The following SYN1 variants were observed in gnomAD, a reference collection of about 807,000 sequenced individuals.
SYN1 encodes synapsin-1.
Under a neutral mutation model 44.6 loss-of-function variants are expected in SYN1, and 8 were observed. That is an observed-to-expected ratio of 0.18 (90% confidence interval 0.11 to 0.32). SYN1 has a LOEUF of 0.32. Ranked by LOEUF, SYN1 falls within the 10% of genes least tolerant of loss-of-function variation. SYN1 has a pLI of 1.00. For missense variants in SYN1, 451 were observed against 639.4 expected, an observed-to-expected ratio of 0.71 and a Z score of 3.18; for synonymous variants, 275 against 280.1, an observed-to-expected ratio of 0.98 and a Z score of 0.18.
intron 5 of SYN1, among the ~76,000 whole-genome samples, chrX:47,600,828 G>C (rs1239651592): frequency 8.9e-6 from 1 of 111,960 alleles, no homozygotes; most frequent in Admixed American, 9.5e-5. Context: ...AAGATACTTT[G>C]AGATGAATGA....
At chrX:47,585,341 C>T (rs1294615198) in intron 5 of SYN1, 9 of 1,209,627 alleles carry the variant, frequency 7.4e-6, no homozygotes, top group South Asian at 1.8e-5. Flanking sequence ...GGTGAGGCAC[C>T]GTCCCCGCGC....
In SYN1 at chrX:47,576,149, T is replaced by G; in HGVS notation, c.1140A>C (p.Gly380=). The G allele has an allele frequency of 8.3e-7, 1 of 1,202,125 alleles. No homozygotes were observed. The highest frequency in any genetic ancestry group is 1.1e-6 in the Non-Finnish European group (1 of 890,544). Residue 380 remains glycine (G), a synonymous_variant, in exon 9 of 13, where the codon GGA becomes GGC. Coordinates refer to ENST00000295987, the MANE Select transcript of SYN1 (RefSeq NM_006950.3). ...CTCATACCTCAATGATGTGATCCCT[T>G]CCGTCCTTGCCATGTAGCGCTTCCA... ...CAVEALHGKD[G]RDHIIEVVGS...
chrX:47,610,605 G>A (rs989675668), intron 1 of SYN1, among the ~76,000 whole-genome samples: 6 of 110,204 alleles, frequency 5.4e-5, no homozygotes, highest in Non-Finnish European at 9.5e-5. Flanking sequence ...GTATTGGCAG[G>A]AGCTGGGAAG....
At chrX:47,579,596 A>C (rs2057789253) in intron 5 of SYN1, among the ~76,000 whole-genome samples, 1 of 106,895 alleles carries the variant, frequency 9.4e-6, no homozygotes, top group Non-Finnish European at 2.0e-5. Flanking sequence ...CTCCATTTCA[A>C]AACTGCACAA....
Position 47,604,939 on chromosome X carries a change from ACT to A in SYN1, c.774+37_774+38del, listed in dbSNP as rs766171081. 8 of 1,109,297 alleles carry A rather than the reference ACT, an allele frequency of 7.2e-6. No homozygotes were observed. In the South Asian group the frequency reaches 1.1e-4, roughly 15 times the overall value. 91.4% of individuals were successfully genotyped at this position (1,109,297 alleles called of 1,213,427 possible). On this transcript the variant is annotated intron_variant, in intron 5 of 12. Transcript: ENST00000295987. ...ATTTAATATTATTGCAGTAGTTATG[ACT>A]CTTCCCTCCTGCCCACTCTATTTTC...
At chrX:47,574,999 C>G (rs2057773008) in intron 10 of SYN1, 129 bp downstream of exon 10, 1 of 959,761 alleles carries the variant, frequency 1.0e-6, no homozygotes, top group East Asian at 3.4e-5. Flanking sequence ...AAACAATTGG[C>G]AATCGCAGCC....
Position 47,574,786 on chromosome X carries a change from G to A in SYN1, c.1306-11C>T. On this transcript the variant is annotated splice_polypyrimidine_tract_variant and intron_variant, in intron 10 of 12. Coordinates refer to ENST00000295987, the MANE Select transcript of SYN1 (RefSeq NM_006950.3). ...CCCTGGGGACGGAGTCTGCGGCAGAGGAATGGAGCAGGAGAGGTTAAAAAT... is the reference window on the plus strand; with the variant it reads ...CCCTGGGGACGGAGTCTGCGGCAGAAGAATGGAGCAGGAGAGGTTAAAAAT... 1 of 1,172,534 alleles carries A rather than the reference G, an allele frequency of 8.5e-7. No homozygotes were observed. Among genetic ancestry groups the A allele is most frequent in the Non-Finnish European group, 1.1e-6 (1 of 871,497 alleles).
chrX:47,584,105 C>T (rs868839648), intron 5 of SYN1, among the ~76,000 whole-genome samples: 16 of 111,282 alleles, frequency 1.4e-4, no homozygotes, highest in Middle Eastern at 9.2e-3. Context: ...CTGGCTAAAC[C>T]GACGTAACAG....
rs1447095144 is a variant in SYN1 at position 47,619,429 on chromosome X, G to A, written c.300C>T (p.Gly100=). The A allele has an allele frequency of 8.4e-7, 1 of 1,192,185 alleles. No individual in the cohort carries two copies. The highest frequency in any genetic ancestry group is 3.0e-5 in the East Asian group (1 of 33,465). ...CGCGGCCTGCGCCCCCAGAGCCGCC[G>A]CCCACCTGCTCGCTGAAGGTGGCAG... The part of the protein sequence containing the change: ...AAAATFSEQV[G]GGSGGAGRGG... Residue 100 remains glycine (G), a synonymous_variant, in exon 1 of 13, where the codon GGC becomes GGT. Transcript: ENST00000295987.
chrX:47,574,718 G>T lies in SYN1; in HGVS notation c.1363C>A (p.Pro455Thr), dbSNP rs1371497364. 8.4e-7 allele frequency: 1 copy of T among 1,187,205 alleles called. No individual in the cohort carries two copies. Among genetic ancestry groups the T allele is most frequent in the Admixed American group, 2.4e-5 (1 of 41,025 alleles). The change falls in exon 11 of 13, where the codon CCC becomes ACC. Residue 455 changes from proline to threonine, a missense_variant. Coordinates refer to ENST00000295987, the MANE Select transcript of SYN1 (RefSeq NM_006950.3). Reference sequence around the variant, plus strand: ...GGTGGGGGTCGCTGCTGAGCCGGGGGCCCTGCGGGCTGCTGGGAGGTCTGG... The same window carrying T: ...GGTGGGGGTCGCTGCTGAGCCGGGGTCCCTGCGGGCTGCTGGGAGGTCTGG... ...GRQTSQQPAG[P>T]PAQQRPPPQG...
intron 5 of SYN1, among the ~76,000 whole-genome samples, chrX:47,596,655 C>T (rs776243943): frequency 8.9e-6 from 1 of 112,588 alleles, no homozygotes; most frequent in East Asian, 2.8e-4. Context: ...TGGGTAGCCA[C>T]ATATGACAAA....
chrX:47,572,721 C>T lies in SYN1; in HGVS notation c.*143G>A, dbSNP rs113373259. 1.4e-3 allele frequency: 1,260 copies of T among 915,107 alleles called. 9 individuals are homozygous for T. The African/African-American group carries it at 0.02, about 15-fold the overall frequency. The allele number at this position is 915,107 out of a possible 1,213,427, so 75.4% of individuals were successfully genotyped here. A position where few individuals can be genotyped will look rare whatever the true frequency, so the allele number is the denominator to read the frequency against. ...GAGGAGTCAGGTTTCTCAAGGTACTCGGGGATCTTGAGGAATGAGAGGTGG... is the reference window on the plus strand; with the variant it reads ...GAGGAGTCAGGTTTCTCAAGGTACTTGGGGATCTTGAGGAATGAGAGGTGG... On this transcript the variant is annotated 3_prime_UTR_variant, in exon 13 of 13. Transcript: ENST00000295987.
intron 5 of SYN1, among the ~76,000 whole-genome samples, chrX:47,580,185 CTT>C (rs749909509): frequency 1.6e-4 from 14 of 88,842 alleles, no homozygotes; most frequent in Admixed American, 2.4e-4. Context: ...TAGAACAGTG[CTT>C]TTTTTTTTTT....
chrX:47,609,694 A>G (rs1165968923), intron 1 of SYN1, among the ~76,000 whole-genome samples: 3 of 112,167 alleles, frequency 2.7e-5, no homozygotes, highest in Admixed American at 1.9e-4. Flanking sequence ...GAGGTGGGGC[A>G]TAGATAGCCT....
rs1282764614 is a variant in SYN1, at chrX:47,619,850, C to T, written c.-122G>A. 3.8e-6 allele frequency: 3 copies of T among 781,383 alleles called. No individual in the cohort carries two copies. In the Admixed American group the frequency reaches 9.6e-5, roughly 25 times the overall value. The allele number at this position is 781,383 out of a possible 1,213,427, so 64.4% of individuals were successfully genotyped here. A position where few individuals can be genotyped will look rare whatever the true frequency, so the allele number is the denominator to read the frequency against. On this transcript the variant is annotated 5_prime_UTR_variant, in exon 1 of 13. Transcript: ENST00000295987. The stretch of plus-strand genomic sequence containing the variant: ...ACGACACGACTCCTCCGCTGCCCAC[C>T]GCAGACTGAGGCAGCGCTGAGTCGC...
At chrX:47,604,826 C>T (rs1371510712) in intron 5 of SYN1, 152 bp downstream of exon 5, 22 of 527,627 alleles carry the variant, frequency 4.2e-5, no homozygotes, top group South Asian at 1.0e-4. Flanking sequence ...AGGAAATTCA[C>T]GGTAGACCCT....
chrX:47,590,560 T>C (rs2057844527), intron 5 of SYN1, among the ~76,000 whole-genome samples: 1 of 112,331 alleles, frequency 8.9e-6, no homozygotes, highest in African/African-American at 3.2e-5. Context: ...GCTACACTGG[T>C]CCTTGGGACA....
At chrX:47,580,651 G>A (rs1442849834) in intron 5 of SYN1, among the ~76,000 whole-genome samples, 1 of 106,336 alleles carries the variant, frequency 9.4e-6, no homozygotes, top group African/African-American at 3.5e-5. Flanking sequence ...AAAAGATTTA[G>A]AAGGCCGGGT....
intron 3 of SYN1, among the ~76,000 whole-genome samples, chrX:47,605,870 A>G (rs1603071034): frequency 9.2e-6 from 1 of 109,105 alleles, no homozygotes. Context: ...CAATTGCTAC[A>G]TCTGCTTTAG....
Sources: gnomAD v4.1 joint callset for allele counts (sites outside exome capture counted in the v4.1 genomes callset) on GRCh38, gnomAD v4.1.1 for gene constraint, MANE v1.5 for transcripts, NCBI Gene and HGNC (gene_info 2026-07-23, HGNC 2026-07-21) for gene names.